The following RIF1 variants were observed in gnomAD, a reference collection of about 807,000 sequenced individuals.
RIF1 encodes the protein replication timing regulatory factor 1.
A neutral mutation model predicts 247.1 loss-of-function variants in RIF1; 45 were observed. The ratio of observed to expected loss-of-function variants is 0.18; its 90% CI spans 0.14 to 0.23. The LOEUF is 0.23. RIF1 is among the 10% of genes least tolerant of loss of function. The pLI is 1.00. For missense variants in RIF1, 2,967 were observed against 2,862.5 expected (o/e 1.04, Z -0.83); for synonymous variants, 1,087 against 978.8 (o/e 1.11, Z -2.06).
the RIF1 span, chr2:151,514,840 T>TA: frequency 2.5e-6 from 4 of 1,581,418 alleles, no homozygotes; most frequent in Non-Finnish European, 3.4e-6. Flanking sequence ...TTTAGTTGCA[T>TA]ATTTGACATG....
Position 151,478,491 on chromosome 2 carries a change from GT to G in RIF1, c.*3423del, listed in dbSNP as rs957694440. 4.0e-5 allele frequency: 6 copies of G among 149,908 alleles called. No homozygotes were observed. The highest frequency in any genetic ancestry group is 1.5e-4 in the African/African-American group (6 of 40,684). The allele number at this position is 149,908 out of a possible 1,614,324, so 9.3% of individuals were successfully genotyped here. ...TCTGTCTCGCAAAAAAAAAAAAAAA[GT>G]TTAATTCTAACATTGCCCATGGATT... On this transcript the variant is annotated 3_prime_UTR_variant, in exon 36 of 36. Coordinates refer to ENST00000444746, the MANE Select transcript of RIF1 (RefSeq NM_018151.5).
intron 12 of RIF1, among the ~76,000 whole-genome samples, chr2:151,503,823 A>G (rs1280384022): frequency 2.6e-5 from 4 of 152,164 alleles, no homozygotes; most frequent in East Asian, 1.9e-4. Flanking sequence ...AAATTTTCCA[A>G]TCATAGGATA....
intron 30 of RIF1, among the ~76,000 whole-genome samples, chr2:151,466,659 A>G (rs931503999): frequency 1.3e-5 from 2 of 152,330 alleles, no homozygotes; most frequent in African/African-American, 4.8e-5. Flanking sequence ...GAAAAGATGG[A>G]TTATCTATAT....
downstream of RIF1, among the ~76,000 whole-genome samples, chr2:151,484,348 C>G (rs999340384): frequency 3.3e-5 from 5 of 152,232 alleles, no homozygotes; most frequent in African/African-American, 1.2e-4. Context: ...GTAATCCCAG[C>G]ACTTTGGGAG....
intron 20 of RIF1, among the ~76,000 whole-genome samples, chr2:151,450,255 T>C (rs985317830): frequency 6.6e-6 from 1 of 152,188 alleles, no homozygotes; most frequent in Non-Finnish European, 1.5e-5. Context: ...TTTTTTATTT[T>C]ACTGTATTGT....
chr2:151,494,268 TG>T (rs2058631163), intron 9 of RIF1: 1 of 1,557,534 alleles, frequency 6.4e-7, no homozygotes, highest in African/African-American at 1.4e-5. Context: ...GGGAATCCAA[TG>T]GGTCCAAAAA....
rs1200761915 is a variant in RIF1 at position 151,441,978 on chromosome 2, T to C, written c.1721T>C (p.Met574Thr). 6.7e-7 allele frequency: 1 copy of C among 1,491,602 alleles called. No individual in the cohort carries two copies. The highest frequency in any genetic ancestry group is 2.4e-5 in the East Asian group (1 of 40,822). The allele number at this position is 1,491,602 out of a possible 1,614,324, so 92.4% of individuals were successfully genotyped here. A position where few individuals can be genotyped will look rare whatever the true frequency, so the allele number is the denominator to read the frequency against. Residue 574 changes from methionine (M) to threonine (T), a missense_variant, in exon 16 of 36, where the codon ATG becomes ACG. By Grantham distance (81) the Met-to-Thr change is moderately conservative. Coordinates refer to ENST00000444746, the MANE Select transcript of RIF1 (RefSeq NM_018151.5). ...TCACCAGCATATCAGGTTGCTAATA[T>C]GGATATTCTTAATGCAAGTATCTTA... is the stretch of plus-strand genomic sequence containing the variant. Reference protein sequence around the residue: ...LGSPAYQVANMDILNGTPALF... With the variant: ...LGSPAYQVANTDILNGTPALF...
At chr2:151,486,038 T>C, downstream of RIF1, 1 of 1,181,386 alleles carries the variant, frequency 8.5e-7, no homozygotes, top group Non-Finnish European at 1.2e-6. Context: ...AAACTTAAGT[T>C]GAACAAAAGA....
chr2:151,432,883 GT>G (rs1690435147), intron 9 of RIF1, among the ~76,000 whole-genome samples, 193 bp from the exon 10 acceptor site: 2 of 152,146 alleles, frequency 1.3e-5, no homozygotes, highest in South Asian at 2.1e-4. Flanking sequence ...TTTATTGAGT[GT>G]TTTTGGTTCA....
At chr2:151,435,631 C>G in intron 11 of RIF1, 51 bp downstream of exon 11, 2 of 967,498 alleles carry the variant, frequency 2.1e-6, no homozygotes, top group Non-Finnish European at 3.3e-6. Flanking sequence ...GCTTTGTTGA[C>G]CTAGAAGCAT....
chr2:151,450,094 G>GGCCT (rs2152431550), intron 20 of RIF1, among the ~76,000 whole-genome samples: 1 of 152,016 alleles, frequency 6.6e-6, no homozygotes, highest in African/African-American at 2.4e-5. Flanking sequence ...TGCCTGCCTT[G>GGCCT]GCCTCCCAAA....
chr2:151,498,145 T>TAAGA (rs1248469306), intron 10 of RIF1: 2 of 1,529,066 alleles, frequency 1.3e-6, no homozygotes, highest in South Asian at 1.2e-5. Flanking sequence ...TTTTGTAATA[T>TAAGA]AAGATGTATT....
chr2:151,420,394 A>T lies in RIF1; in HGVS notation c.693+15A>T. The T allele has an allele frequency of 6.2e-7, 1 of 1,612,230 alleles. No individual in the cohort carries two copies. Among genetic ancestry groups the T allele is most frequent in the Non-Finnish European group, 8.5e-7 (1 of 1,178,540 alleles). ...TTATGACTACTGTGAGTGTTCTTTT[A>T]TGTAAGAATTTTCTGGATACTGCAT... On this transcript the variant is annotated intron_variant, in intron 7 of 35. Coordinates refer to ENST00000444746, the MANE Select transcript of RIF1 (RefSeq NM_018151.5).
chr2:151,439,972 CAAAAAAAAA>C (rs1165450117), intron 14 of RIF1, 46 bp from the exon 15 acceptor site: 48 of 276,668 alleles, frequency 1.7e-4, no homozygotes, highest in Admixed American at 2.5e-4. Context: ...GACCCTGTCT[CAAAAAAAAA>C]AAAAAAAAAA....
At chr2:151,456,416 T>A (rs1018663943) in intron 22 of RIF1, among the ~76,000 whole-genome samples, 162 bp from the exon 23 acceptor site, 3 of 151,968 alleles carry the variant, frequency 2.0e-5, no homozygotes, top group Admixed American at 6.6e-5. Context: ...ATGCTTAATA[T>A]TTAGTATTTG....
chr2:151,456,475 A>G (rs1695216259), intron 22 of RIF1, 103 bp from the exon 23 acceptor site: 3 of 644,476 alleles, frequency 4.7e-6, no homozygotes, highest in South Asian at 2.0e-5. Context: ...TCATCAATTT[A>G]TATTTATTAT....
rs891834321 is a variant in RIF1, at chr2:151,426,915, G to A, written c.787-1869G>A. 2.0e-4 allele frequency among the ~76,000 whole-genome samples: 30 copies of A among 152,116 alleles called. 1 individual carries two copies. The highest frequency in any genetic ancestry group is 2.0e-3 in the Admixed American group (30 of 15,274). On this transcript the variant is annotated intron_variant, in intron 8 of 35. Transcript: ENST00000444746. Reference sequence around the variant, plus strand: ...ATCTGCCTCGGCCTCCCAAAGTGCTGGGATTACAGGTGTTAGCCACTGTGC... The same window carrying A: ...ATCTGCCTCGGCCTCCCAAAGTGCTAGGATTACAGGTGTTAGCCACTGTGC...
At position 151,446,593 on chromosome 2, in the gene RIF1, C is replaced by T; in HGVS notation, c.2244+18C>T. On this transcript the variant is annotated intron_variant, in intron 20 of 35. Coordinates refer to ENST00000444746, the MANE Select transcript of RIF1 (RefSeq NM_018151.5). ...GCTTTTCTGTGAGTTTGTCCTGATG[C>T]TACCTTTTTTTGTTTGTTTTTAAAG... 1 of 1,602,028 alleles carries T rather than the reference C, an allele frequency of 6.2e-7. No individual in the cohort carries two copies. The highest frequency in any genetic ancestry group is 1.4e-5 in the African/African-American group (1 of 74,046).
chr2:151,483,444 A>G (rs1231590196), downstream of RIF1: 7 of 152,206 alleles, frequency 4.6e-5, no homozygotes, highest in Admixed American at 2.6e-4. Context: ...CAAGGTAATG[A>G]GAGGAGTGCA....
Sources: gnomAD v4.1 joint callset for allele counts (sites outside exome capture counted in the v4.1 genomes callset) on GRCh38, gnomAD v4.1.1 for gene constraint, MANE v1.5 for transcripts, NCBI Gene and HGNC (gene_info 2026-07-23, HGNC 2026-07-21) for gene names.